OR56A3: variants seen among roughly 807,000 people sequenced by gnomAD.
OR56A3 encodes olfactory receptor family 56 subfamily A member 3, also known as olfactory receptor 56A3.
A neutral mutation model predicts 17.5 loss-of-function variants in OR56A3; 23 were observed. The observed-to-expected ratio is 1.32, with a 90% CI of 0.95 to 1.87. OR56A3 has a LOEUF of 1.87. Ranked by LOEUF, OR56A3 falls within the 40% of genes most tolerant of loss-of-function variation. The pLI is 0.00. For missense variants in OR56A3, 366 were observed against 380.1 expected (o/e 0.96, Z 0.31); for synonymous variants, 175 against 150.6 (o/e 1.16, Z -1.19).
chr11:5,996,506 G>GT, the OR56A3 span, among the ~76,000 whole-genome samples: 9,447 of 143,158 alleles, frequency 0.066, 850 homozygotes, highest in African/African-American at 0.21. Flanking sequence ...AACCAGTGAA[G>GT]TTTTTTTTTT....
At chr11:5,967,561 T>G in the OR56A3 span, 1 of 1,572,076 alleles carries the variant, frequency 6.4e-7, no homozygotes, top group Non-Finnish European at 8.6e-7. Flanking sequence ...TTTTACAACC[T>G]CCTCAGCAGG....
At chr11:5,985,849 G>T in the OR56A3 span, 2 of 1,188,676 alleles carry the variant, frequency 1.7e-6, no homozygotes, top group Admixed American at 2.7e-5. Flanking sequence ...ACTGCAAAAT[G>T]GTCTGTATTC....
At chr11:6,015,693 G>A in the OR56A3 span, among the ~76,000 whole-genome samples, 1 of 152,232 alleles carries the variant, frequency 6.6e-6, no homozygotes, top group Non-Finnish European at 1.5e-5. Context: ...GGAGCTTTAA[G>A]GCTTAATGAC....
Position 5,947,448 on chromosome 11 carries a change from C to A in OR56A3, c.102C>A (p.Pro34=), listed in dbSNP as rs1012270841. The change falls in exon 3 of 3, where the codon CCC becomes CCA. Residue 34 remains proline (P), a synonymous_variant. Coordinates refer to ENST00000641160, the MANE Select transcript of OR56A3 (RefSeq NM_001003443.3). ...SPSWQHWLSL[P]LSLLFLLAVG... is the part of the protein sequence containing the mutation. Reference sequence around the variant, plus strand: ...GCTGGCAGCACTGGCTGTCCCTGCCCCTCAGCCTCCTTTTCCTCTTGGCCG... The same window carrying A: ...GCTGGCAGCACTGGCTGTCCCTGCCACTCAGCCTCCTTTTCCTCTTGGCCG... The A allele has an allele frequency of 1.9e-6, 3 of 1,614,194 alleles. No individual in the cohort carries two copies. The highest frequency in any genetic ancestry group is 1.3e-5 in the African/African-American group (1 of 75,060).
chr11:5,985,932 A>G, the OR56A3 span: 2 of 1,593,026 alleles, frequency 1.3e-6, no homozygotes, highest in Non-Finnish European at 1.7e-6. Flanking sequence ...CAATGAGAAT[A>G]TGTTCAGATC....
At chr11:6,015,042 A>C in the OR56A3 span, among the ~76,000 whole-genome samples, 1 of 148,940 alleles carries the variant, frequency 6.7e-6, no homozygotes, top group Non-Finnish European at 1.5e-5. Context: ...CTTATATCTA[A>C]AAGGGAAGCA....
chr11:5,978,150 CTTTGTTCTTTGTGCTTAGGAT>C, the OR56A3 span, among the ~76,000 whole-genome samples: 1 of 152,088 alleles, frequency 6.6e-6, no homozygotes, highest in African/African-American at 2.4e-5. Flanking sequence ...ATGTTTCCAG[CTTTGTTCTTTGTGCTTAGGAT>C]CACTTTGGCT....
downstream of OR56A3, among the ~76,000 whole-genome samples, chr11:5,953,290 T>G (rs902416167): frequency 2.6e-5 from 4 of 152,190 alleles, no homozygotes; most frequent in Non-Finnish European, 4.4e-5. Context: ...GCATTTCCCT[T>G]TCACTGCAGC....
At chr11:5,974,853 T>C in the OR56A3 span, among the ~76,000 whole-genome samples, 1 of 152,228 alleles carries the variant, frequency 6.6e-6, no homozygotes, top group Non-Finnish European at 1.5e-5. Flanking sequence ...AGAGTCAATA[T>C]ATAAATAGCA....
the OR56A3 span, among the ~76,000 whole-genome samples, chr11:6,011,726 G>A: frequency 6.6e-6 from 1 of 152,148 alleles, no homozygotes; most frequent in Admixed American, 6.5e-5. Context: ...CTCAACTCAT[G>A]CTACCAGCCT....
downstream of OR56A3, among the ~76,000 whole-genome samples, chr11:5,954,356 G>A (rs918980220): frequency 6.6e-6 from 1 of 152,058 alleles, no homozygotes; most frequent in Non-Finnish European, 1.5e-5. Context: ...ACAATCCAGG[G>A]CTAGGAACAC....
At chr11:6,014,338 G>A in the OR56A3 span, among the ~76,000 whole-genome samples, 2 of 152,326 alleles carry the variant, frequency 1.3e-5, no homozygotes, top group African/African-American at 4.8e-5. Flanking sequence ...ACTCACGGGG[G>A]TGCTTTCCAA....
At chr11:5,968,908 T>C in the OR56A3 span, among the ~76,000 whole-genome samples, 2 of 152,204 alleles carry the variant, frequency 1.3e-5, no homozygotes, top group African/African-American at 4.8e-5. Flanking sequence ...AATAATTTAA[T>C]TGCAGGGTCC....
chr11:5,997,352 T>C, the OR56A3 span, among the ~76,000 whole-genome samples: 1 of 152,194 alleles, frequency 6.6e-6, no homozygotes, highest in African/African-American at 2.4e-5. Context: ...ATTTTCCTAG[T>C]TCCAAAGCAG....
downstream of OR56A3, among the ~76,000 whole-genome samples, chr11:5,952,830 G>A (rs4758034): frequency 0.79 from 120,533 of 152,008 alleles, 48,065 homozygotes; most frequent in African/African-American, 0.87. Flanking sequence ...GTAGTCACCA[G>A]TGTCTATTGC....
chr11:5,995,852 T>C, the OR56A3 span, among the ~76,000 whole-genome samples: 1 of 152,210 alleles, frequency 6.6e-6, no homozygotes, highest in Admixed American at 6.5e-5. Context: ...CTAATCTAAC[T>C]GTAATTATTT....
At chr11:6,017,907 G>C in the OR56A3 span, among the ~76,000 whole-genome samples, 1 of 152,086 alleles carries the variant, frequency 6.6e-6, no homozygotes, top group Non-Finnish European at 1.5e-5. Flanking sequence ...GTGGACGGGA[G>C]TAACTATACT....
chr11:5,968,568 C>G, the OR56A3 span: 1 of 1,094,666 alleles, frequency 9.1e-7, no homozygotes, highest in South Asian at 1.5e-5. Context: ...AAATAGAAAA[C>G]AAAGCTGTTA....
chr11:5,960,751 G>A, the OR56A3 span, among the ~76,000 whole-genome samples: 5 of 151,496 alleles, frequency 3.3e-5, no homozygotes, highest in South Asian at 2.1e-4. Context: ...CCCTCTGCCC[G>A]GCAGCCCAGT....
Sources: gnomAD v4.1 joint callset for allele counts (sites outside exome capture counted in the v4.1 genomes callset) on GRCh38, gnomAD v4.1.1 for gene constraint, MANE v1.5 for transcripts, NCBI Gene and HGNC (gene_info 2026-07-23, HGNC 2026-07-21) for gene names.